ADGRL2: variants seen among roughly 807,000 people sequenced by gnomAD.
The protein encoded by ADGRL2 is adhesion G protein-coupled receptor L2, also known as calcium-independent alpha-latrotoxin receptor 2.
ADGRL2 carries 44 observed loss-of-function variants against 157.4 expected under a neutral mutation model. The observed-to-expected ratio is 0.28, with a 90% CI of 0.22 to 0.36. The LOEUF (loss-of-function observed/expected upper bound fraction) is 0.36. ADGRL2 is among the 10% of genes least tolerant of loss of function. ADGRL2 has a pLI of 1.00. For missense variants in ADGRL2, 1,510 were observed against 1,768.9 expected (o/e 0.85, Z 2.63); for synonymous variants, 585 against 624.7 (o/e 0.94, Z 0.95).
At position 81,991,199 on chromosome 1, in the gene ADGRL2, A is replaced by T; in HGVS notation, c.*54A>T. 2 of 1,496,068 alleles carry T rather than the reference A, an allele frequency of 1.3e-6. No individual in the cohort carries two copies. Among genetic ancestry groups the T allele is most frequent in the Non-Finnish European group, 1.8e-6 (2 of 1,111,480 alleles). 92.7% of individuals were successfully genotyped at this position (1,496,068 alleles called of 1,614,324 possible). On this transcript the variant is annotated 3_prime_UTR_variant, in exon 24 of 24. Coordinates refer to ENST00000686636, the MANE Select transcript of ADGRL2 (RefSeq NM_001366006.2). Reference sequence around the variant, plus strand: ...CATGCGAGTATTAATAAATAAAGACACCATTGGCCTGACGCAGCTCCCTCA... The same window carrying T: ...CATGCGAGTATTAATAAATAAAGACTCCATTGGCCTGACGCAGCTCCCTCA...
At chr1:81,477,270 A>G (rs1351559908) in intron 2 of ADGRL2, among the ~76,000 whole-genome samples, 1 of 152,192 alleles carries the variant, frequency 6.6e-6, no homozygotes, top group Admixed American at 6.6e-5. Context: ...AAAGGCCAAT[A>G]GGCTGTCATA....
chr1:81,462,358 T>C (rs529330234), intron 2 of ADGRL2, among the ~76,000 whole-genome samples: 2 of 152,306 alleles, frequency 1.3e-5, no homozygotes, highest in African/African-American at 2.4e-5. Flanking sequence ...ATCATAAATC[T>C]TGCTGCTACT....
intron 3 of ADGRL2, among the ~76,000 whole-genome samples, chr1:81,616,895 C>T (rs868254107): frequency 5.3e-5 from 8 of 152,046 alleles, no homozygotes; most frequent in Non-Finnish European, 8.8e-5. Context: ...CCAGGCTGGT[C>T]GCAAAAGCCA....
chr1:81,958,904 T>C (rs1047107478), intron 11 of ADGRL2, among the ~76,000 whole-genome samples: 1 of 152,228 alleles, frequency 6.6e-6, no homozygotes, highest in Non-Finnish European at 1.5e-5. Flanking sequence ...GTACTCCTTT[T>C]GATCTTGCTG....
intron 2 of ADGRL2, among the ~76,000 whole-genome samples, chr1:81,523,030 G>A (rs1164659218): frequency 6.7e-6 from 1 of 148,220 alleles, no homozygotes; most frequent in Non-Finnish European, 1.5e-5. Flanking sequence ...GCTTCTCAAT[G>A]GCAACACAGA....
intron 19 of ADGRL2, 170 bp from the exon 20 acceptor site, chr1:81,984,413 A>G: frequency 1.7e-6 from 1 of 575,264 alleles, no homozygotes; most frequent in Non-Finnish European, 3.0e-6. Context: ...TCTGATTACT[A>G]TTTCAGTAAT....
chr1:81,487,677 A>T (rs987940681), intron 2 of ADGRL2, among the ~76,000 whole-genome samples: 8 of 152,146 alleles, frequency 5.3e-5, no homozygotes, highest in Non-Finnish European at 1.2e-4. Flanking sequence ...AAAAATATGG[A>T]AAATGGGGAA....
intron 3 of ADGRL2, among the ~76,000 whole-genome samples, chr1:81,920,182 C>A (rs1572128688): frequency 6.6e-6 from 1 of 152,002 alleles, no homozygotes; most frequent in Non-Finnish European, 1.5e-5. Flanking sequence ...CCTATGTGGG[C>A]CAATTAAAAG....
intron 1 of ADGRL2, among the ~76,000 whole-genome samples, chr1:81,705,643 G>A (rs568847681): frequency 1.9e-4 from 29 of 152,140 alleles, no homozygotes; most frequent in Non-Finnish European, 3.1e-4. Context: ...AGGGCTGGGC[G>A]CAGTGGCTCA....
intron 1 of ADGRL2, among the ~76,000 whole-genome samples, chr1:81,750,542 C>A (rs2085456986): frequency 6.6e-6 from 1 of 152,050 alleles, no homozygotes; most frequent in Non-Finnish European, 1.5e-5. Context: ...GATGGTGAAA[C>A]CCCATCTCTA....
chr1:81,690,965 G>A (rs147129689), intron 3 of ADGRL2, among the ~76,000 whole-genome samples: 32 of 152,310 alleles, frequency 2.1e-4, no homozygotes, highest in African/African-American at 7.0e-4. Context: ...AGAAGACCTG[G>A]TTGTTCTGGT....
intron 1 of ADGRL2, among the ~76,000 whole-genome samples, chr1:81,394,434 C>T (rs568978015): frequency 1.3e-5 from 2 of 152,104 alleles, no homozygotes; most frequent in Non-Finnish European, 2.9e-5. Context: ...ACTCTTTTGG[C>T]TTCTTCATCT....
At chr1:81,412,614 T>C (rs1363978950) in intron 1 of ADGRL2, among the ~76,000 whole-genome samples, 1 of 152,230 alleles carries the variant, frequency 6.6e-6, no homozygotes, top group Admixed American at 6.5e-5. Context: ...TATGTCTTTC[T>C]ATCACTAGTA....
chr1:81,396,000 T>C (rs1490625102), intron 1 of ADGRL2, among the ~76,000 whole-genome samples: 2 of 152,190 alleles, frequency 1.3e-5, no homozygotes, highest in African/African-American at 4.8e-5. Context: ...TCAGGATTGC[T>C]TTGGTTATTC....
At chr1:81,866,281 T>C (rs922394099) in intron 2 of ADGRL2, among the ~76,000 whole-genome samples, 5 of 152,174 alleles carry the variant, frequency 3.3e-5, no homozygotes, top group Admixed American at 2.6e-4. Context: ...ATAGCCATTA[T>C]ATGGAAAGCA....
intron 1 of ADGRL2, among the ~76,000 whole-genome samples, chr1:81,813,115 G>T (rs918443647): frequency 2.0e-5 from 3 of 151,562 alleles, no homozygotes; most frequent in Non-Finnish European, 4.4e-5. Flanking sequence ...ATTTGTGCCA[G>T]GAAATTTAAT....
Position 81,991,880 on chromosome 1 carries a change from A to G in ADGRL2, c.*735A>G, listed in dbSNP as rs1183074350. On this transcript the variant is annotated 3_prime_UTR_variant, in exon 24 of 24. Transcript: ENST00000686636. ...AATATTGTGAAAAGCTCTTGGTTGC[A>G]CATGTTATGAAATGTTTTTTCTTAC... 1 of 152,670 alleles carries G rather than the reference A, an allele frequency of 6.6e-6. No homozygotes were observed. Among genetic ancestry groups the G allele is most frequent in the East Asian group, 1.9e-4 (1 of 5,202 alleles). 9.5% of individuals were successfully genotyped at this position (152,670 alleles called of 1,614,324 possible).
chr1:81,725,981 T>TA, intron 1 of ADGRL2, among the ~76,000 whole-genome samples: 1 of 151,912 alleles, frequency 6.6e-6, no homozygotes, highest in East Asian at 2.0e-4. Flanking sequence ...AGACCATGTC[T>TA]AAAACAAAAC....
chr1:81,354,093 T>G (rs1663107543), intron 1 of ADGRL2, among the ~76,000 whole-genome samples: 1 of 152,190 alleles, frequency 6.6e-6, no homozygotes, highest in Admixed American at 6.5e-5. Flanking sequence ...ATAAACAGCA[T>G]AGACTTTGGA....
Sources: gnomAD v4.1 joint callset for allele counts (sites outside exome capture counted in the v4.1 genomes callset) on GRCh38, gnomAD v4.1.1 for gene constraint, MANE v1.5 for transcripts, NCBI Gene and HGNC (gene_info 2026-07-23, HGNC 2026-07-21) for gene names.